The following PIGU variants were observed in gnomAD, a reference collection of about 807,000 sequenced individuals.
The protein encoded by PIGU is GPI-anchor transamidase component PIGU.
A neutral mutation model predicts 49.9 loss-of-function variants in PIGU; 24 were observed. The observed-to-expected ratio is 0.48, with a 90% CI of 0.35 to 0.68. The LOEUF (loss-of-function observed/expected upper bound fraction) is 0.68, where lower values mean the gene tolerates loss of function less well. PIGU is among the 30% of genes least tolerant of loss of function. PIGU has a pLI of 0.01. For missense variants in PIGU, 490 were observed against 532.6 expected (o/e 0.92, Z 0.79); for synonymous variants, 220 against 205.7 (o/e 1.07, Z -0.59).
intron 1 of PIGU, among the ~76,000 whole-genome samples, chr20:34,660,420 A>G (rs1568663970): frequency 6.6e-6 from 1 of 152,226 alleles, no homozygotes; most frequent in East Asian, 1.9e-4. Context: ...CCCTGTCTCC[A>G]TTAAAAATAC....
intron 1 of PIGU, among the ~76,000 whole-genome samples, chr20:34,669,946 A>G (rs1987254577): frequency 6.6e-6 from 1 of 152,156 alleles, no homozygotes; most frequent in Admixed American, 6.5e-5. Flanking sequence ...CAAATGAACT[A>G]GGGATGTTCA....
At chr20:34,659,102 G>A (rs1986825913) in intron 1 of PIGU, among the ~76,000 whole-genome samples, 2 of 142,292 alleles carry the variant, frequency 1.4e-5, no homozygotes, top group African/African-American at 5.2e-5. Context: ...CACCCGGCCA[G>A]CCGCCCCGTC....
At chr20:34,665,719 G>A (rs946647795) in intron 1 of PIGU, among the ~76,000 whole-genome samples, 4 of 152,008 alleles carry the variant, frequency 2.6e-5, no homozygotes, top group African/African-American at 9.7e-5. Context: ...TGGTGCACAC[G>A]ATTAAAAACT....
intron 10 of PIGU, chr20:34,579,113 A>G (rs1255465561): frequency 6.6e-6 from 1 of 152,238 alleles, no homozygotes; most frequent in Non-Finnish European, 1.5e-5. Flanking sequence ...CGAGGTGCCA[A>G]AACACGTGGG....
At chr20:34,583,754 C>T (rs1490173351) in intron 9 of PIGU, among the ~76,000 whole-genome samples, 1 of 152,208 alleles carries the variant, frequency 6.6e-6, no homozygotes, top group East Asian at 1.9e-4. Context: ...TGCCAGAGTT[C>T]CGGAGCCTGC....
intron 1 of PIGU, 23 bp downstream of exon 1, chr20:34,676,933 T>C (rs955755904): frequency 3.8e-6 from 6 of 1,559,774 alleles, no homozygotes; most frequent in Non-Finnish European, 5.2e-6. Context: ...GGCCTGACAG[T>C]CTGCTCGAGC....
At chr20:34,580,651 C>G (rs1047117424) in intron 10 of PIGU, among the ~76,000 whole-genome samples, 5 of 152,232 alleles carry the variant, frequency 3.3e-5, no homozygotes, top group African/African-American at 1.2e-4. Context: ...ACTGACACTG[C>G]CTCTTTATTG....
intron 6 of PIGU, among the ~76,000 whole-genome samples, chr20:34,634,332 A>G (rs1053422561): frequency 6.6e-6 from 1 of 151,904 alleles, no homozygotes; most frequent in African/African-American, 2.4e-5. Context: ...TCAGCTTCCC[A>G]AAGTGCTGAG....
chr20:34,674,032 AACAGAC>A (rs1319676376), intron 1 of PIGU, among the ~76,000 whole-genome samples: 2 of 151,802 alleles, frequency 1.3e-5, no homozygotes, highest in Non-Finnish European at 2.9e-5. Flanking sequence ...CAGCCTGGGC[AACAGAC>A]TGAGACTCCA....
At chr20:34,611,543 G>C (rs1984812809) in intron 7 of PIGU, among the ~76,000 whole-genome samples, 1 of 151,356 alleles carries the variant, frequency 6.6e-6, no homozygotes. Context: ...CTACTTGGGA[G>C]GCTGAGGCAG....
At chr20:34,636,073 C>T (rs930373189) in intron 5 of PIGU, among the ~76,000 whole-genome samples, 2 of 151,488 alleles carry the variant, frequency 1.3e-5, no homozygotes, top group Admixed American at 6.6e-5. Flanking sequence ...TGGTAGTACA[C>T]ACCTGTAGTC....
At chr20:34,639,157 T>C (rs893029915) in intron 4 of PIGU, among the ~76,000 whole-genome samples, 9 of 152,114 alleles carry the variant, frequency 5.9e-5, no homozygotes, top group Non-Finnish European at 8.8e-5. Context: ...ATCCCAGCAC[T>C]TTGGGAGGCC....
chr20:34,676,922 G>A, intron 1 of PIGU, 34 bp downstream of exon 1: 1 of 1,556,820 alleles, frequency 6.4e-7, no homozygotes, highest in Non-Finnish European at 8.7e-7. Context: ...AGGGCAGGTG[G>A]GGCCTGACAG....
chr20:34,630,898 G>C (rs1235216841), intron 6 of PIGU, among the ~76,000 whole-genome samples: 1 of 151,988 alleles, frequency 6.6e-6, no homozygotes, highest in Admixed American at 6.6e-5. Context: ...TCCCACCTCA[G>C]CCTCCCAAAA....
chr20:34,658,785 C>T (rs1199923954), intron 1 of PIGU, among the ~76,000 whole-genome samples: 2 of 148,962 alleles, frequency 1.3e-5, no homozygotes, highest in Non-Finnish European at 3.0e-5. Context: ...AGTGAGGAGC[C>T]CCTCCGCCTG....
At chr20:34,592,351 A>G (rs1984023829) in intron 7 of PIGU, among the ~76,000 whole-genome samples, 1 of 151,818 alleles carries the variant, frequency 6.6e-6, no homozygotes, top group Non-Finnish European at 1.5e-5. Context: ...CAGAAAATAA[A>G]GGTACAATAT....
intron 7 of PIGU, among the ~76,000 whole-genome samples, chr20:34,610,319 C>T (rs531605363): frequency 9.9e-5 from 15 of 152,170 alleles, no homozygotes; most frequent in African/African-American, 3.4e-4. Flanking sequence ...CCGTCTCAGC[C>T]CAAAAACTCC....
At chr20:34,561,019 T>G in intron 11 of PIGU, 40 bp from the exon 12 acceptor site, 1 of 1,403,406 alleles carries the variant, frequency 7.1e-7, no homozygotes, top group Non-Finnish European at 1.0e-6. Context: ...GCTGGGTACC[T>G]CCCCCTAAAC....
intron 11 of PIGU, among the ~76,000 whole-genome samples, chr20:34,563,204 C>G (rs1454805948): frequency 6.6e-6 from 1 of 152,130 alleles, no homozygotes; most frequent in Non-Finnish European, 1.5e-5. Flanking sequence ...AACAGTAAGA[C>G]TTTAGGTAGC....
Sources: gnomAD v4.1 joint callset for allele counts (sites outside exome capture counted in the v4.1 genomes callset) on GRCh38, gnomAD v4.1.1 for gene constraint, MANE v1.5 for transcripts, NCBI Gene and HGNC (gene_info 2026-07-23, HGNC 2026-07-21) for gene names.